The following RBFOX1 variants were observed in gnomAD, a reference collection of about 807,000 sequenced individuals.
RBFOX1 encodes the protein RNA binding fox-1 homolog 1, also known as RNA binding protein fox-1 homolog 1.
RBFOX1 carries 8 observed loss-of-function variants against 57.7 expected under a neutral mutation model. The observed-to-expected ratio is 0.14, with a 90% CI of 0.08 to 0.25. The LOEUF (loss-of-function observed/expected upper bound fraction) is 0.25, where lower values mean the gene tolerates loss of function less well. Ranked by LOEUF, RBFOX1 falls within the 10% of genes least tolerant of loss-of-function variation. The pLI is 1.00. For missense variants in RBFOX1, 611 were observed against 548.5 expected (o/e 1.11, Z -1.14); for synonymous variants, 326 against 222.4 (o/e 1.47, Z -4.15).
At chr16:6,734,760 A>T (rs948789897) in intron 3 of RBFOX1, among the ~76,000 whole-genome samples, 1 of 152,246 alleles carries the variant, frequency 6.6e-6, no homozygotes, top group East Asian at 1.9e-4. Flanking sequence ...CCCCTATCCA[A>T]TCAGGACAAT....
chr16:6,255,708 G>A (rs2097656943), intron 1 of RBFOX1, among the ~76,000 whole-genome samples: 1 of 152,060 alleles, frequency 6.6e-6, no homozygotes. Flanking sequence ...ATACTATGCA[G>A]CCGTAAAAAA....
chr16:6,040,214 A>G (rs1341054369), intron 1 of RBFOX1, among the ~76,000 whole-genome samples: 1 of 152,280 alleles, frequency 6.6e-6, no homozygotes, highest in African/African-American at 2.4e-5. Context: ...CATAAAATAA[A>G]TGTTACCGTC....
At chr16:5,275,137 C>T (rs763845914) in intron 1 of RBFOX1, among the ~76,000 whole-genome samples, 27 of 152,262 alleles carry the variant, frequency 1.8e-4, no homozygotes, top group Admixed American at 9.8e-4. Flanking sequence ...GGAAGAGGTA[C>T]AGTGTATTCC....
At chr16:7,566,527 G>A (rs529476473) in intron 5 of RBFOX1, among the ~76,000 whole-genome samples, 2 of 152,118 alleles carry the variant, frequency 1.3e-5, no homozygotes, top group African/African-American at 4.8e-5. Context: ...TCCTGGCTGT[G>A]TGACTTCGGA....
At chr16:6,632,544 C>G (rs886555155) in intron 2 of RBFOX1, among the ~76,000 whole-genome samples, 2 of 152,160 alleles carry the variant, frequency 1.3e-5, no homozygotes, top group Non-Finnish European at 2.9e-5. Context: ...GACAGAGGCT[C>G]CTGTCTTTTA....
intron 3 of RBFOX1, among the ~76,000 whole-genome samples, chr16:5,609,332 C>A (rs1273718544): frequency 6.6e-6 from 1 of 152,180 alleles, no homozygotes. Flanking sequence ...TATCCCATTA[C>A]CAGCAAAACC....
chr16:5,812,159 A>T (rs569577945), intron 3 of RBFOX1, among the ~76,000 whole-genome samples: 1 of 152,164 alleles, frequency 6.6e-6, no homozygotes, highest in African/African-American at 2.4e-5. Context: ...CACTGTATGG[A>T]TAGTGACTAC....
At chr16:5,572,721 C>G (rs533028811) in intron 2 of RBFOX1, among the ~76,000 whole-genome samples, 1 of 152,180 alleles carries the variant, frequency 6.6e-6, no homozygotes, top group South Asian at 2.1e-4. Flanking sequence ...GGTGGTCAAA[C>G]AAAGCCTCAC....
intron 2 of RBFOX1, among the ~76,000 whole-genome samples, chr16:5,544,951 C>CTTTTTTTTTTTTTTTTTTTTTTTTT (rs59873374): frequency 4.8e-5 from 6 of 124,362 alleles, no homozygotes; most frequent in African/African-American, 6.9e-5. Context: ...CTATTACATT[C>CTTTTTTTTTTTTTTTTTTTTTTTTT]TTTTTTTTTT....
intron 1 of RBFOX1, among the ~76,000 whole-genome samples, chr16:5,362,719 C>T (rs2065589193): frequency 6.6e-6 from 1 of 152,118 alleles, no homozygotes; most frequent in Non-Finnish European, 1.5e-5. Context: ...CCCCTCAGCC[C>T]CCGACAACCA....
At chr16:5,685,324 A>G (rs1173135063) in intron 3 of RBFOX1, among the ~76,000 whole-genome samples, 1 of 152,184 alleles carries the variant, frequency 6.6e-6, no homozygotes, top group African/African-American at 2.4e-5. Flanking sequence ...TGGACCTCAT[A>G]AATAGTTAGC....
chr16:7,612,484 G>C (rs1596485061), intron 10 of RBFOX1, among the ~76,000 whole-genome samples: 1 of 151,838 alleles, frequency 6.6e-6, no homozygotes, highest in Admixed American at 6.6e-5. Flanking sequence ...TCTCTACCCA[G>C]TAGCAGGCCT....
At chr16:7,091,731 C>A (rs942030698) in intron 4 of RBFOX1, among the ~76,000 whole-genome samples, 3 of 152,150 alleles carry the variant, frequency 2.0e-5, no homozygotes, top group Non-Finnish European at 2.9e-5. Context: ...GGGGGAGCCT[C>A]CTCTGAATTC....
At chr16:6,844,796 G>A (rs1003605968) in intron 3 of RBFOX1, among the ~76,000 whole-genome samples, 1 of 152,112 alleles carries the variant, frequency 6.6e-6, no homozygotes, top group Admixed American at 6.5e-5. Context: ...AATTTACACT[G>A]CCTCCAACAG....
intron 1 of RBFOX1, among the ~76,000 whole-genome samples, chr16:5,395,585 G>A (rs1467653227): frequency 6.6e-6 from 1 of 152,198 alleles, no homozygotes; most frequent in African/African-American, 2.4e-5. Context: ...TGGTGGAGAC[G>A]TTCAGGTGGT....
At chr16:7,333,230 A>G (rs1244716100) in intron 4 of RBFOX1, 5 of 718,252 alleles carry the variant, frequency 7.0e-6, no homozygotes, top group Non-Finnish European at 1.2e-5. Context: ...TAGGAAATCA[A>G]AAAGATGGAT....
At chr16:7,165,395 A>AATAATAATAATAATG (rs1555525508) in intron 4 of RBFOX1, among the ~76,000 whole-genome samples, 2 of 147,234 alleles carry the variant, frequency 1.4e-5, no homozygotes, top group Non-Finnish European at 3.0e-5. Context: ...CTGTAATAAT[A>AATAATAATAATAATG]ATAATAATAA....
chr16:6,477,722 C>G (rs1355736610), intron 2 of RBFOX1, among the ~76,000 whole-genome samples: 6 of 152,348 alleles, frequency 3.9e-5, no homozygotes, highest in South Asian at 4.1e-4. Flanking sequence ...CAGGTGTTGA[C>G]TTCTTTCTAT....
chr16:6,678,792 C>T (rs1041157166), intron 3 of RBFOX1, among the ~76,000 whole-genome samples: 2 of 151,992 alleles, frequency 1.3e-5, no homozygotes, highest in African/African-American at 4.8e-5. Flanking sequence ...TAATCACTTG[C>T]CATGAATAGC....
Sources: gnomAD v4.1 joint callset for allele counts (sites outside exome capture counted in the v4.1 genomes callset) on GRCh38, gnomAD v4.1.1 for gene constraint, MANE v1.5 for transcripts, NCBI Gene and HGNC (gene_info 2026-07-23, HGNC 2026-07-21) for gene names.